Variants in KRT8 observed in about 807,000 individuals in gnomAD.
The protein encoded by KRT8 is keratin 8.
Under a neutral mutation model 43.0 loss-of-function variants are expected in KRT8, and 24 were observed. The observed-to-expected ratio is 0.56, with a 90% CI of 0.40 to 0.78. The LOEUF is 0.78. KRT8 is among the 30% of genes least tolerant of loss of function. KRT8 has a pLI of 0.00. For missense variants in KRT8, 492 were observed against 638.4 expected, an observed-to-expected ratio of 0.77 and a Z score of 2.47; for synonymous variants, 214 against 261.2, an observed-to-expected ratio of 0.82 and a Z score of 1.74.
intron 2 of KRT8, among the ~76,000 whole-genome samples, chr12:52,935,607 A>G (rs1363049370): frequency 6.6e-6 from 1 of 151,586 alleles, no homozygotes; most frequent in African/African-American, 2.4e-5. Context: ...TCTCTGAAAT[A>G]GAACACAAAA....
At chr12:52,943,700 A>G (rs1942301606) in intron 2 of KRT8, among the ~76,000 whole-genome samples, 1 of 152,192 alleles carries the variant, frequency 6.6e-6, no homozygotes, top group Admixed American at 6.5e-5. Flanking sequence ...CAATTTGTGT[A>G]AAGGCCCCGC....
Position 52,897,592 on chromosome 12 carries a change from G to T in KRT8, c.1288C>A (p.Leu430Ile), listed in dbSNP as rs751726406. Residue 430 changes from leucine (L) to isoleucine (I), a missense_variant, in exon 8 of 8, where the codon CTC (leucine) becomes ATC (isoleucine). By Grantham distance (5) the Leu-to-Ile change is conservative. Around this residue, in one of 3 missense-constraint regions of KRT8, gnomAD observed 389 missense variants for 485.7 expected, o/e 0.80. Coordinates refer to ENST00000692008, the Ensembl canonical transcript of KRT8. ...CTGTAGCTGAGGCCGGGGCTTGTGA[G>T]GCCCCCATAGGCCGAGCTCAGACCA... 107 of 1,598,020 alleles carry T rather than the reference G, an allele frequency of 6.7e-5. No homozygotes were observed. Among genetic ancestry groups the T allele is most frequent in the Non-Finnish European group, 8.1e-5 (95 of 1,179,908 alleles).
upstream of KRT8, among the ~76,000 whole-genome samples, chr12:52,911,846 A>G (rs1941642789): frequency 6.6e-6 from 1 of 152,152 alleles, no homozygotes; most frequent in South Asian, 2.1e-4. Context: ...CAACATGGTG[A>G]AACCCCATCT....
At chr12:52,904,596 G>A in intron 1 of KRT8, 62 bp downstream of exon 1, 2 of 1,475,004 alleles carry the variant, frequency 1.4e-6, no homozygotes, top group Non-Finnish European at 1.9e-6. Context: ...TGTGCATAGG[G>A]ACCGGGACTA....
chr12:52,900,789 C>T (rs908603783), intron 3 of KRT8, 106 bp from the exon 4 acceptor site: 3 of 778,136 alleles, frequency 3.9e-6, no homozygotes, highest in African/African-American at 3.4e-5. Context: ...TTTCTAGTTG[C>T]CCACTTTGTG....
At chr12:52,900,562 T>G in intron 4 of KRT8, 26 bp downstream of exon 4, 1 of 1,492,328 alleles carries the variant, frequency 6.7e-7, no homozygotes, top group Non-Finnish European at 9.3e-7. Context: ...TGGGGGACCC[T>G]CACTCTCCTG....
intron 2 of KRT8, chr12:52,947,101 C>T (rs1942356248): frequency 6.6e-6 from 1 of 152,450 alleles, no homozygotes; most frequent in Non-Finnish European, 1.5e-5. Context: ...TGTGTCATAC[C>T]AGGCCCTGCC....
intron 2 of KRT8, among the ~76,000 whole-genome samples, chr12:52,922,576 G>A (rs929688785): frequency 5.3e-5 from 8 of 152,194 alleles, no homozygotes; most frequent in East Asian, 1.9e-4. Flanking sequence ...GGGAGGCTGA[G>A]GCAGGAGAAT....
intron 2 of KRT8, among the ~76,000 whole-genome samples, chr12:52,946,419 A>G (rs1199923963): frequency 6.6e-6 from 1 of 152,154 alleles, no homozygotes; most frequent in Non-Finnish European, 1.5e-5. Context: ...TGTTTGATGA[A>G]TGAGTGAGTG....
At chr12:52,899,379 G>C (rs1257673106) in intron 5 of KRT8, among the ~76,000 whole-genome samples, 2 of 152,008 alleles carry the variant, frequency 1.3e-5, no homozygotes, top group Non-Finnish European at 2.9e-5. Context: ...CAGTTTCCAG[G>C]TGCTTCCCCT....
intron 2 of KRT8, among the ~76,000 whole-genome samples, chr12:52,917,128 G>A (rs1370373598): frequency 1.7e-4 from 26 of 152,204 alleles, no homozygotes; most frequent in Admixed American, 1.7e-3. Context: ...ACTGGCTCAT[G>A]CCTGTAATCC....
intron 1 of KRT8, chr12:52,949,625 G>A: frequency 6.4e-7 from 1 of 1,569,430 alleles, no homozygotes; most frequent in Non-Finnish European, 8.8e-7. Context: ...TCCCAGCCTT[G>A]TCTGACCCTC....
chr12:52,905,868 C>T (rs548603587), upstream of KRT8, among the ~76,000 whole-genome samples: 18 of 152,078 alleles, frequency 1.2e-4, no homozygotes, highest in African/African-American at 1.7e-4. Flanking sequence ...CTGAGGTAGG[C>T]GGATCACGAG....
At chr12:52,914,829 G>T (rs1292253987) in intron 2 of KRT8, among the ~76,000 whole-genome samples, 2 of 152,208 alleles carry the variant, frequency 1.3e-5, no homozygotes, top group Non-Finnish European at 2.9e-5. Flanking sequence ...CTCCATGTTA[G>T]CTTCGTCCTC....
In KRT8 at chr12:52,918,200, A is replaced by AAGAAGAAGAAGAAGAAGAAGG. The variant is rs1565725675; in HGVS notation, c.-46-13174_-46-13173insCCTTCTTCTTCTTCTTCTTCT. Among the ~76,000 whole-genome samples, 13 of 121,244 alleles carry AAGAAGAAGAAGAAGAAGAAGG rather than the reference A, an allele frequency of 1.1e-4. 1 individual carries two copies. Among genetic ancestry groups the AAGAAGAAGAAGAAGAAGAAGG allele is most frequent in the African/African-American group, 1.0e-4 (3 of 28,902 alleles). 79.5% of individuals were successfully genotyped at this position (121,244 alleles called of 152,430 possible). The stretch of plus-strand genomic sequence containing the variant: ...GAAGAGGAAGAAGAAGAAGAAGAAG[A>AAGAAGAAGAAGAAGAAGAAGG]AGAACAAGAAGAAGAAGAAGAAGAA... On this transcript the variant is annotated intron_variant, in intron 2 of 6. Transcript: ENST00000546826.
intron 2 of KRT8, among the ~76,000 whole-genome samples, chr12:52,936,667 T>C (rs11170340): frequency 0.63 from 95,851 of 151,800 alleles, 31,008 homozygotes; most frequent in African/African-American, 0.75. Context: ...CATGGGCCAC[T>C]ATGCCCGGCT....
upstream of KRT8, among the ~76,000 whole-genome samples, chr12:52,910,340 A>C (rs996241698): frequency 6.6e-6 from 1 of 152,222 alleles, no homozygotes; most frequent in Admixed American, 6.5e-5. Flanking sequence ...TCTGGTCCCA[A>C]CACCAAGACC....
upstream of KRT8, among the ~76,000 whole-genome samples, chr12:52,911,601 G>A (rs560960234): frequency 3.9e-5 from 6 of 152,256 alleles, no homozygotes; most frequent in African/African-American, 1.4e-4. Flanking sequence ...ACACTATAAA[G>A]TAGGTGCCAT....
intron 5 of KRT8, among the ~76,000 whole-genome samples, 200 bp downstream of exon 5, chr12:52,899,575 G>T (rs1326116036): frequency 6.6e-6 from 1 of 152,090 alleles, no homozygotes; most frequent in African/African-American, 2.4e-5. Flanking sequence ...TTTCACCTCT[G>T]TCCTGGCCCA....
Sources: gnomAD v4.1 joint callset for allele counts (sites outside exome capture counted in the v4.1 genomes callset) on GRCh38, gnomAD v4.1.1 for gene constraint, gnomAD v4.1.1 regional missense constraint, MANE v1.5 for transcripts, NCBI Gene and HGNC (gene_info 2026-07-23, HGNC 2026-07-21) for gene names.